The following GRB7 variants were observed in gnomAD, a reference collection of about 807,000 sequenced individuals.
GRB7 encodes the protein growth factor receptor bound protein 7.
In GRB7, 47 loss-of-function variants were observed where a neutral mutation model predicts 64.1. The ratio of observed to expected loss-of-function variants is 0.73; its 90% CI spans 0.58 to 0.94. The LOEUF is 0.94. GRB7 is among the 40% of genes least tolerant of loss of function. The pLI, the probability that GRB7 is intolerant of heterozygous loss-of-function variation, is 0.00. For synonymous variants in GRB7, 277 were observed against 279.9 expected (o/e 0.99, Z 0.10); for missense variants, 634 against 718.4 (o/e 0.88, Z 1.34).
chr17:39,742,530 T>G (rs1332144007), intron 2 of GRB7, 36 bp from the exon 3 acceptor site: 1 of 1,613,430 alleles, frequency 6.2e-7, no homozygotes, highest in Non-Finnish European at 8.5e-7. Context: ...ACTGCTCCCT[T>G]CCCCACACCT....
In GRB7 at chr17:39,745,743, C is replaced by T. The variant is rs199613497; in HGVS notation, c.1225C>T (p.Arg409Cys). 8.8e-5 allele frequency: 142 copies of T among 1,613,854 alleles called. No individual in the cohort carries two copies. The highest frequency in any genetic ancestry group is 1.1e-4 in the Non-Finnish European group (131 of 1,180,016). ...TGCTCCACAGAAGAAGACAAACCAC[C>T]GCCTCAGCCTGCCCATGCCAGCCTC... ...AQAWRKKTNH[R>C]LSLPMPASGT... The change falls in exon 12 of 15, where the codon CGC becomes TGC. Residue 409 changes from arginine (R) to cysteine (C), a missense_variant. Around this residue, in one of 2 missense-constraint regions of GRB7, gnomAD observed 467 missense variants for 576.6 expected, o/e 0.81. Transcript: ENST00000309156.
rs753078052 is a variant in GRB7, at chr17:39,742,442, C to T, written c.141C>T (p.Ile47=). Residue 47 remains isoleucine, a synonymous_variant, in exon 2 of 15, where the codon ATC becomes ATT. Coordinates refer to ENST00000309156, the MANE Select transcript of GRB7 (RefSeq NM_005310.5). ...TAAAGAGGTCCCAGCCTCTCCTCAT[C>T]CCAACCACCGGCAGGTACGATGGGG... is the stretch of plus-strand genomic sequence containing the variant. The part of the protein sequence containing the change: ...EEVKRSQPLL[I]PTTGRKLREE... 2.7e-5 allele frequency: 43 copies of T among 1,613,828 alleles called. No individual in the cohort carries two copies. The highest frequency in any genetic ancestry group is 3.6e-5 in the Non-Finnish European group (43 of 1,179,978).
chr17:39,744,476 C>A, intron 7 of GRB7, 77 bp from the exon 8 acceptor site: 2 of 1,224,526 alleles, frequency 1.6e-6, no homozygotes, highest in Non-Finnish European at 1.2e-6. Context: ...CCTGAAATCT[C>A]CCCACCTGGC....
At position 39,740,125 on chromosome 17, in the gene GRB7, C is replaced by A. The variant is rs530162567; in HGVS notation, c.-51+1992C>A. The stretch of plus-strand genomic sequence containing the variant: ...TCTGTGATTTCGAGGCAGGCGTGGC[C>A]CCCTGCAGCCTGGAATGAAGTCACT... On this transcript the variant is annotated intron_variant, in intron 1 of 14. Transcript: ENST00000309156. 99 of 985,652 alleles carry A rather than the reference C, an allele frequency of 1.0e-4. No homozygotes were observed. In the Middle Eastern group the frequency reaches 2.6e-3, roughly 26 times the overall value. 61.1% of individuals were successfully genotyped at this position (985,652 alleles called of 1,614,324 possible).
At position 39,746,772 on chromosome 17, in the gene GRB7, T is replaced by C; in HGVS notation, c.1474T>C (p.Tyr492His). 6.2e-7 allele frequency: 1 copy of C among 1,614,112 alleles called. No individual in the cohort carries two copies. Among genetic ancestry groups the C allele is most frequent in the Non-Finnish European group, 8.5e-7 (1 of 1,180,032 alleles). The stretch of plus-strand genomic sequence containing the variant: ...CCAGAGCGAGGAGGAGGGCCGCCTG[T>C]ACTTCAGCATGGATGATGGCCAGAC... ...ILPSEEEGRLYFSMDDGQTRF... is the reference protein window; with the variant it reads ...ILPSEEEGRLHFSMDDGQTRF... Residue 492 changes from tyrosine to histidine, a missense_variant, in exon 15 of 15, where the codon TAC becomes CAC. Around this residue, in one of 2 missense-constraint regions of GRB7, gnomAD observed 467 missense variants for 576.6 expected, o/e 0.81. Coordinates refer to ENST00000309156, the MANE Select transcript of GRB7 (RefSeq NM_005310.5).
chr17:39,743,026 G>A lies in GRB7; in HGVS notation c.435G>A (p.Leu145=). 6.2e-7 allele frequency: 1 copy of A among 1,609,778 alleles called. No individual in the cohort carries two copies. The highest frequency in any genetic ancestry group is 1.1e-5 in the South Asian group (1 of 90,510). Residue 145 remains leucine (L), a synonymous_variant, in exon 4 of 15, where the codon CTG becomes CTA. Coordinates refer to ENST00000309156, the MANE Select transcript of GRB7 (RefSeq NM_005310.5). ...CCTTGAGCGACGAGACCTGGGGGCT[G>A]GTGGAGTGCCACCCCCACCTAGCAC... is the stretch of plus-strand genomic sequence containing the variant. ...AHALSDETWG[L]VECHPHLALE... is the part of the protein sequence containing the mutation.
At chr17:39,746,052 A>G in intron 13 of GRB7, 52 bp downstream of exon 13, 1 of 1,610,968 alleles carries the variant, frequency 6.2e-7, no homozygotes, top group Non-Finnish European at 8.5e-7. Flanking sequence ...ACTGGGGTCC[A>G]GGTGGCAGCC....
intron 1 of GRB7, among the ~76,000 whole-genome samples, chr17:39,740,535 T>A (rs1228525392): frequency 6.6e-6 from 1 of 152,076 alleles, no homozygotes; most frequent in Non-Finnish European, 1.5e-5. Context: ...AGGGACTCCC[T>A]GGCGAGGAGG....
At position 39,747,069 on chromosome 17, in the gene GRB7, C is replaced by T. The variant is rs1383463342; in HGVS notation, c.*172C>T. ...TGCCTCCCTCAGATAGAAAACAGCC[C>T]CCACTCCAGTCCACTCCTGACCCCT... On this transcript the variant is annotated 3_prime_UTR_variant, in exon 15 of 15. Transcript: ENST00000309156. 2.9e-6 allele frequency: 2 copies of T among 697,080 alleles called. No individual in the cohort carries two copies. Among genetic ancestry groups the T allele is most frequent in the Admixed American group, 2.9e-5 (1 of 34,480 alleles). The allele number at this position is 697,080 out of a possible 1,614,324, so 43.2% of individuals were successfully genotyped here.
rs1023445664 is a variant in GRB7, at chr17:39,743,573, G to A, written c.663+103G>A. On this transcript the variant is annotated intron_variant, in intron 6 of 14. Coordinates refer to ENST00000309156, the MANE Select transcript of GRB7 (RefSeq NM_005310.5). Reference sequence around the variant, plus strand: ...GCCTCCCCTCTATGTTGTAGAAAGAGCCAAATCACAGTCCTGTGTGACTGG... The same window carrying A: ...GCCTCCCCTCTATGTTGTAGAAAGAACCAAATCACAGTCCTGTGTGACTGG... 8.8e-5 allele frequency: 81 copies of A among 917,048 alleles called. No homozygotes were observed. The East Asian group carries it at 1.9e-3, about 22-fold the overall frequency. 56.8% of individuals were successfully genotyped at this position (917,048 alleles called of 1,614,324 possible).
chr17:39,746,078 T>C, intron 13 of GRB7, 31 bp from the exon 14 acceptor site: 5 of 1,609,450 alleles, frequency 3.1e-6, no homozygotes, highest in Non-Finnish European at 3.4e-6. Flanking sequence ...CCTTGGGTAG[T>C]AATGCTGCCC....
At chr17:39,738,488 C>CT (rs767898176) in intron 1 of GRB7, 2 of 159,310 alleles carry the variant, frequency 1.3e-5, no homozygotes, top group Non-Finnish European at 2.7e-5. Context: ...GTTGCTTGGC[C>CT]TCCCACTTTT....
chr17:39,744,482 C>T (rs2060025476), intron 7 of GRB7, 71 bp from the exon 8 acceptor site: 2 of 1,270,874 alleles, frequency 1.6e-6, no homozygotes, highest in African/African-American at 3.0e-5. Context: ...ATCTCCCCAC[C>T]TGGCTTGTGG....
chr17:39,746,185 C>T lies in GRB7; in HGVS notation c.1435C>T (p.His479Tyr). ...TTTGTGCCACCTGCAGAAAGTGAAG[C>T]ATTATCTCATCCTGCCGGTGAGCTT... is the stretch of plus-strand genomic sequence containing the variant. The part of the protein sequence containing the change: ...LSLCHLQKVK[H>Y]YLILPSEEEG... The change falls in exon 14 of 15, where the codon CAT becomes TAT. Residue 479 changes from histidine (H) to tyrosine (Y), a missense_variant. By Grantham distance (83) the His-to-Tyr change is moderately conservative. This residue lies in a region of GRB7 where 467 missense variants were observed against 576.6 expected (regional missense o/e 0.81). Coordinates refer to ENST00000309156, the MANE Select transcript of GRB7 (RefSeq NM_005310.5). 1 of 1,613,802 alleles carries T rather than the reference C, an allele frequency of 6.2e-7. No individual in the cohort carries two copies. Among genetic ancestry groups the T allele is most frequent in the Non-Finnish European group, 8.5e-7 (1 of 1,179,758 alleles).
At chr17:39,745,670 T>C in intron 11 of GRB7, 58 bp from the exon 12 acceptor site, 1 of 1,589,240 alleles carries the variant, frequency 6.3e-7, no homozygotes, top group South Asian at 1.1e-5. Context: ...CTTCCTGAGG[T>C]GCTGGGTAAT....
In GRB7 at chr17:39,746,858, GTGCTTGCTGCGCCAT is replaced by G. The variant is rs753914051; in HGVS notation, c.1565_1579del (p.Leu522_Cys526del). ...ACCAGCTGAACCGCGGCATCCTGCC[GTGCTTGCTGCGCCAT>G]TGCTGCACGCGGGTGGCCCTCTGAC... On this transcript the variant is annotated inframe_deletion, in exon 15 of 15. Coordinates refer to ENST00000309156, the MANE Select transcript of GRB7 (RefSeq NM_005310.5). 2.5e-6 allele frequency: 4 copies of G among 1,612,972 alleles called. No homozygotes were observed. The highest frequency in any genetic ancestry group is 3.4e-6 in the Non-Finnish European group (4 of 1,180,018).
chr17:39,739,279 G>A lies in GRB7; in HGVS notation c.-51+1146G>A, dbSNP rs9901670. 3.8e-3 allele frequency among the ~76,000 whole-genome samples: 581 copies of A among 152,134 alleles called. 3 individuals carry two copies. Among genetic ancestry groups the A allele is most frequent in the African/African-American group, 0.013 (539 of 41,502 alleles). On this transcript the variant is annotated intron_variant, in intron 1 of 14. Coordinates refer to ENST00000309156, the MANE Select transcript of GRB7 (RefSeq NM_005310.5). ...TGGTGGGGGGACCTCATGGAGGCGG[G>A]CAGCCTGTAATGATTAACTGCAGAG...
intron 14 of GRB7, 98 bp from the exon 15 acceptor site, chr17:39,746,643 AAAGAAAAAAG>A (rs1476808875): frequency 8.2e-5 from 38 of 465,918 alleles, no homozygotes; most frequent in East Asian, 3.0e-4. Context: ...AGAAAAAGAA[AAAGAAAAAAG>A]AAAAGAATAA....
rs1198843942 is a variant in GRB7, at chr17:39,746,961, C to T, written c.*64C>T. The T allele has an allele frequency of 1.3e-6, 2 of 1,537,154 alleles. No homozygotes were observed. Among genetic ancestry groups the T allele is most frequent in the Admixed American group, 3.5e-5 (2 of 57,306 alleles). ...GGCTGCCCGCCGCCCCTCCACCCAT[C>T]CAGTGGACTCTGGGGCGCGGCCACA... On this transcript the variant is annotated 3_prime_UTR_variant, in exon 15 of 15. Coordinates refer to ENST00000309156, the MANE Select transcript of GRB7 (RefSeq NM_005310.5).
Sources: gnomAD v4.1 joint callset for allele counts (sites outside exome capture counted in the v4.1 genomes callset) on GRCh38, gnomAD v4.1.1 for gene constraint, gnomAD v4.1.1 regional missense constraint, MANE v1.5 for transcripts, NCBI Gene and HGNC (gene_info 2026-07-23, HGNC 2026-07-21) for gene names.